The following TBC1D14 variants were observed in gnomAD, a reference collection of about 807,000 sequenced individuals.
TBC1D14 encodes TBC1 domain family, member 14.
Under a neutral mutation model 79.0 loss-of-function variants are expected in TBC1D14, and 26 were observed. The observed-to-expected ratio is 0.33, with a 90% CI of 0.24 to 0.46. TBC1D14 has a LOEUF of 0.46. TBC1D14 is among the 20% of genes least tolerant of loss of function. TBC1D14 has a pLI of 1.00. For synonymous variants in TBC1D14, 394 were observed against 349.9 expected, an observed-to-expected ratio of 1.13 and a Z score of -1.40; for missense variants, 769 against 887.6, an observed-to-expected ratio of 0.87 and a Z score of 1.70.
intron 12 of TBC1D14, among the ~76,000 whole-genome samples, chr4:7,021,413 C>G (rs978733909): frequency 9.9e-5 from 15 of 152,134 alleles, no homozygotes; most frequent in Non-Finnish European, 2.1e-4. Context: ...GTCTGGGCAA[C>G]ACAGTGAGAC....
Position 7,025,121 on chromosome 4 carries a change from G to C in TBC1D14, c.1875G>C (p.Leu625=). 1 of 1,614,222 alleles carries C rather than the reference G, an allele frequency of 6.2e-7. No homozygotes were observed. Among genetic ancestry groups the C allele is most frequent in the South Asian group, 1.1e-5 (1 of 91,086 alleles). The stretch of plus-strand genomic sequence containing the variant: ...GCACGGCCCTGGGCATCCTGAAGCT[G>C]TTCGAGGACATCCTGACCAAGATGG... ...LFRTALGILK[L]FEDILTKMDF... Residue 625 remains leucine, a synonymous_variant, in exon 13 of 14, where the codon CTG becomes CTC. Coordinates refer to ENST00000409757, the MANE Select transcript of TBC1D14 (RefSeq NM_020773.3).
rs917232636 is a variant in TBC1D14, at chr4:7,031,421, C to T, written c.*1029C>T. 6 of 152,242 alleles carry T rather than the reference C, an allele frequency of 3.9e-5. No individual in the cohort carries two copies. Among genetic ancestry groups the T allele is most frequent in the East Asian group, 3.9e-4 (2 of 5,194 alleles). 9.4% of individuals were successfully genotyped at this position (152,242 alleles called of 1,614,324 possible). A position where few individuals can be genotyped will look rare whatever the true frequency, so the allele number is the denominator to read the frequency against. ...TGTGCTTCATGACCCGTTGTACAGA[C>T]GGAGGAGCGAGCAACACACGTCTAA... On this transcript the variant is annotated 3_prime_UTR_variant, in exon 14 of 14. Coordinates refer to ENST00000409757, the MANE Select transcript of TBC1D14 (RefSeq NM_020773.3).
At chr4:6,925,791 C>T (rs13149923) in intron 2 of TBC1D14, among the ~76,000 whole-genome samples, 1 of 152,048 alleles carries the variant, frequency 6.6e-6, no homozygotes, top group South Asian at 2.1e-4. Flanking sequence ...ATTTGTGTGG[C>T]GGAACTTCCC....
chr4:7,001,217 C>T lies in TBC1D14; in HGVS notation c.1236C>T (p.Ser412=), dbSNP rs1205467353. Residue 412 remains serine (S), a synonymous_variant, in exon 7 of 14, where the codon AGC becomes AGT. Transcript: ENST00000409757. ...CAAGTGTGAGAGGCAAAGTCTGGAG[C>T]TTAGCCATTGGCAACGAGTTAAATA... ...IPPSVRGKVW[S]LAIGNELNIT... is the part of the protein sequence containing the mutation. 1 of 1,614,028 alleles carries T rather than the reference C, an allele frequency of 6.2e-7. No individual in the cohort carries two copies. The highest frequency in any genetic ancestry group is 1.7e-5 in the Admixed American group (1 of 60,008).
In TBC1D14 at chr4:7,024,713, C is replaced by A. The variant is rs573067442; in HGVS notation, c.1758-291C>A. ...GCCCCTAAGACAGGATGCCTGCCCCCACAGCGTGAGCACACAGTAGGGGCT... is the reference window on the plus strand; with the variant it reads ...GCCCCTAAGACAGGATGCCTGCCCCAACAGCGTGAGCACACAGTAGGGGCT... On this transcript the variant is annotated intron_variant, in intron 12 of 13. Coordinates refer to ENST00000409757, the MANE Select transcript of TBC1D14 (RefSeq NM_020773.3). Among the ~76,000 whole-genome samples the A allele has an allele frequency of 1.6e-4, 25 of 152,332 alleles. No homozygotes were observed. The East Asian group carries it at 4.4e-3, about 27-fold the overall frequency.
intron 10 of TBC1D14, among the ~76,000 whole-genome samples, chr4:7,010,427 G>T (rs547679207): frequency 1.3e-5 from 2 of 151,940 alleles, no homozygotes; most frequent in Non-Finnish European, 2.9e-5. Context: ...TTCCATTTGC[G>T]GGGTGGGAGC....
intron 2 of TBC1D14, among the ~76,000 whole-genome samples, chr4:6,933,254 C>CTCCCCTCCCCTCCCCTCCCA (rs1711945105): frequency 5.4e-5 from 1 of 18,608 alleles, no homozygotes; most frequent in Non-Finnish European, 1.3e-4. Flanking sequence ...CTCCCCTCCC[C>CTCCCCTCCCCTCCCCTCCCA]TCCCCTCCCC....
At chr4:6,980,371 T>C (rs898520737) in intron 3 of TBC1D14, among the ~76,000 whole-genome samples, 1 of 152,058 alleles carries the variant, frequency 6.6e-6, no homozygotes, top group Non-Finnish European at 1.5e-5. Context: ...ATACCAAAAT[T>C]TGTAGGTTGC....
At chr4:6,997,068 T>A (rs1437530291) in intron 5 of TBC1D14, 1 of 152,384 alleles carries the variant, frequency 6.6e-6, no homozygotes, top group Non-Finnish European at 1.5e-5. Flanking sequence ...CCAGGGTTGA[T>A]TCGGCTCATC....
intron 2 of TBC1D14, among the ~76,000 whole-genome samples, chr4:6,933,628 A>T (rs1577479420): frequency 6.6e-6 from 1 of 152,064 alleles, no homozygotes; most frequent in South Asian, 2.1e-4. Context: ...TCTTAAAGTC[A>T]TCTGTGCCAT....
intron 9 of TBC1D14, chr4:7,007,775 T>G: frequency 2.8e-6 from 1 of 362,638 alleles, no homozygotes; most frequent in Non-Finnish European, 5.3e-6. Flanking sequence ...CTCAGTGCAC[T>G]CCATGCTTTG....
At chr4:6,957,422 C>A (rs1180351846) in intron 2 of TBC1D14, among the ~76,000 whole-genome samples, 1 of 152,192 alleles carries the variant, frequency 6.6e-6, no homozygotes. Context: ...AATACTTGGA[C>A]AGATGGAGGT....
chr4:6,993,853 T>G (rs2109154029), intron 3 of TBC1D14, among the ~76,000 whole-genome samples: 1 of 152,118 alleles, frequency 6.6e-6, no homozygotes, highest in East Asian at 1.9e-4. Flanking sequence ...CTACTAAAAA[T>G]AAAAAAATTA....
At chr4:6,958,781 A>G (rs1047668272) in intron 2 of TBC1D14, among the ~76,000 whole-genome samples, 6 of 151,788 alleles carry the variant, frequency 4.0e-5, no homozygotes, top group Admixed American at 6.6e-5. Flanking sequence ...TCACTCTTCA[A>G]TCTTCTTTCT....
At chr4:6,954,410 G>T (rs1714428733) in intron 2 of TBC1D14, 1 of 717,264 alleles carries the variant, frequency 1.4e-6, no homozygotes, top group South Asian at 1.5e-5. Flanking sequence ...TCTTTCCTGC[G>T]TGTAGCTTTG....
At chr4:6,957,433 G>A (rs1714744886) in intron 2 of TBC1D14, among the ~76,000 whole-genome samples, 1 of 152,232 alleles carries the variant, frequency 6.6e-6, no homozygotes, top group Non-Finnish European at 1.5e-5. Context: ...AGATGGAGGT[G>A]AAAGTTGCTG....
chr4:6,956,158 A>G (rs1172329684), intron 2 of TBC1D14, among the ~76,000 whole-genome samples: 1 of 152,160 alleles, frequency 6.6e-6, no homozygotes, highest in Non-Finnish European at 1.5e-5. Context: ...TGTTTTCATA[A>G]TAAAGTTTTG....
intron 5 of TBC1D14, chr4:6,998,753 G>A (rs1049656903): frequency 4.3e-5 from 9 of 209,590 alleles, no homozygotes; most frequent in Admixed American, 1.7e-4. Flanking sequence ...TGGCCGGGCT[G>A]GTCTCGAACT....
intron 12 of TBC1D14, among the ~76,000 whole-genome samples, chr4:7,023,114 C>T (rs1481818556): frequency 2.6e-5 from 4 of 152,062 alleles, no homozygotes; most frequent in Non-Finnish European, 1.5e-5. Flanking sequence ...ATTAGCCGGG[C>T]ATGGTCGTGG....
Sources: gnomAD v4.1 joint callset for allele counts (sites outside exome capture counted in the v4.1 genomes callset) on GRCh38, gnomAD v4.1.1 for gene constraint, MANE v1.5 for transcripts, NCBI Gene and HGNC (gene_info 2026-07-23, HGNC 2026-07-21) for gene names.